Variants in PLGLB1 observed in about 807,000 individuals in gnomAD.
The protein encoded by PLGLB1 is plasminogen-like protein B.
rs1397597584 is a variant in PLGLB1 at position 87,011,099 on chromosome 2, C to T, written c.*2022G>A. 1.2e-5 allele frequency: 5 copies of T among 426,778 alleles called. 2 individuals are homozygous for T. The highest frequency in any genetic ancestry group is 7.1e-5 in the Admixed American group (3 of 42,078). The allele number at this position is 426,778 out of a possible 1,614,324, so 26.4% of individuals were successfully genotyped here. ...TCCTGCCCTTCACACTCAGGAATGT[C>T]GCAGTAGTCATCTCTCTGTTCTGGA... On this transcript the variant is annotated 3_prime_UTR_variant, in exon 4 of 4. Transcript: ENST00000355705.
chr2:87,010,656 C>T lies in PLGLB1; in HGVS notation c.*2465G>A, dbSNP rs1175513312. Among the ~76,000 whole-genome samples the T allele has an allele frequency of 6.4e-5, 1 of 15,728 alleles. No individual in the cohort carries two copies. The highest frequency in any genetic ancestry group is 2.0e-3 in the East Asian group (1 of 508). The allele number at this position is 15,728 out of a possible 152,430, so 10.3% of individuals were successfully genotyped here. On this transcript the variant is annotated 3_prime_UTR_variant, in exon 4 of 4. Coordinates refer to ENST00000355705, the MANE Select transcript of PLGLB1 (RefSeq NM_001032392.4). ...GGCATGGTGGCTCATGCCTGTAATC[C>T]CAGCACTTTGGGAGGCTGAGGCGGG... is the stretch of plus-strand genomic sequence containing the variant.
At chr2:87,015,108 G>A in intron 3 of PLGLB1, among the ~76,000 whole-genome samples, 1 of 95,758 alleles carries the variant, frequency 1.0e-5, no homozygotes, top group Non-Finnish European at 1.9e-5. Context: ...GTTCCTTCTG[G>A]TTAACAATTT....
At chr2:87,017,400 G>A (rs1419621482) in intron 2 of PLGLB1, 153 bp downstream of exon 2, 3 of 57,436 alleles carry the variant, frequency 5.2e-5, no homozygotes, top group African/African-American at 1.1e-4. Flanking sequence ...ACAAGAAGCT[G>A]TTAGTATGGC....
At chr2:87,013,526 T>C (rs371724547) in intron 3 of PLGLB1, 2 of 109,702 alleles carry the variant, frequency 1.8e-5, no homozygotes, top group South Asian at 2.8e-4. Flanking sequence ...AGTAAGAGAA[T>C]GGGGAAAGGG....
intron 2 of PLGLB1, among the ~76,000 whole-genome samples, chr2:87,017,113 T>A (rs1293947728): frequency 6.8e-6 from 1 of 146,932 alleles, no homozygotes; most frequent in Admixed American, 6.7e-5. Flanking sequence ...GAACATGCAT[T>A]GATTATGCCT....
intron 1 of PLGLB1, among the ~76,000 whole-genome samples, chr2:87,021,150 G>A (rs1682412967): frequency 9.4e-6 from 1 of 105,940 alleles, no homozygotes; most frequent in South Asian, 3.5e-4. Context: ...CACTAAGTGA[G>A]TATTTGTTGA....
In PLGLB1 at chr2:87,011,073, C is replaced by T; in HGVS notation, c.*2048G>A. ...GAAATGAAAACATTTTCTAGAGCCA[C>T]TCCTGCCCTTCACACTCAGGAATGT... is the stretch of plus-strand genomic sequence containing the variant. On this transcript the variant is annotated 3_prime_UTR_variant, in exon 4 of 4. Transcript: ENST00000355705. 5.4e-6 allele frequency: 2 copies of T among 369,396 alleles called. 1 individual carries two copies. The highest frequency in any genetic ancestry group is 4.6e-5 in the South Asian group (2 of 43,378). The allele number at this position is 369,396 out of a possible 1,614,324, so 22.9% of individuals were successfully genotyped here.
intron 2 of PLGLB1, among the ~76,000 whole-genome samples, chr2:87,017,027 T>C (rs1682348501): frequency 1.5e-5 from 2 of 135,722 alleles, no homozygotes; most frequent in African/African-American, 2.8e-5. Context: ...CAAACCCAGC[T>C]CGGTTCCCAC....
At chr2:87,020,965 C>T (rs1682408175) in intron 1 of PLGLB1, among the ~76,000 whole-genome samples, 1 of 151,960 alleles carries the variant, frequency 6.6e-6, no homozygotes, top group Non-Finnish European at 1.5e-5. Flanking sequence ...GGTCACTGAG[C>T]AAATAACATG....
chr2:87,021,231 A>G (rs2104879537), intron 1 of PLGLB1, among the ~76,000 whole-genome samples: 1 of 86,034 alleles, frequency 1.2e-5, no homozygotes, highest in South Asian at 4.5e-4. Flanking sequence ...GCAAACGTAT[A>G]CTGATGGAAA....
chr2:87,014,284 TATAAA>T (rs1682295177), intron 3 of PLGLB1, among the ~76,000 whole-genome samples: 1 of 99,548 alleles, frequency 1.0e-5, no homozygotes, highest in Non-Finnish European at 2.2e-5. Context: ...TCAATGAAAA[TATAAA>T]ATGTTTAAGG....
At chr2:87,014,666 AG>A (rs1369432421) in intron 3 of PLGLB1, among the ~76,000 whole-genome samples, 1 of 128,788 alleles carries the variant, frequency 7.8e-6, no homozygotes, top group Non-Finnish European at 1.7e-5. Context: ...AAGTAAGGCC[AG>A]AAACTTTGTA....
rs1682359164 is a variant in PLGLB1 at position 87,017,542 on chromosome 2, G to A, written c.185+11C>T. On this transcript the variant is annotated intron_variant, in intron 2 of 3. Transcript: ENST00000355705. Reference sequence around the variant, plus strand: ...CAGATTTCTGGGTAGGTGCAACGACGATGAAAATACCTGCAGGTGAATTCT... The same window carrying A: ...CAGATTTCTGGGTAGGTGCAACGACAATGAAAATACCTGCAGGTGAATTCT... 1.7e-5 allele frequency: 1 copy of A among 58,514 alleles called. No individual in the cohort carries two copies. Among genetic ancestry groups the A allele is most frequent in the Non-Finnish European group, 3.1e-5 (1 of 32,626 alleles). The allele number at this position is 58,514 out of a possible 1,614,324, so 3.6% of individuals were successfully genotyped here.
At position 87,019,816 on chromosome 2, in the gene PLGLB1, T is replaced by A. The variant is rs1682392162; in HGVS notation, c.49+1919A>T. ...AATATCCCAAAACAGAATCAAACTG[T>A]TTTCTTTTTAATTTGAAATAATTTT... On this transcript the variant is annotated intron_variant, in intron 1 of 3. Transcript: ENST00000355705. 2.0e-5 allele frequency among the ~76,000 whole-genome samples: 2 copies of A among 99,738 alleles called. 1 individual carries two copies. Among genetic ancestry groups the A allele is most frequent in the South Asian group, 7.2e-4 (2 of 2,762 alleles). 65.4% of individuals were successfully genotyped at this position (99,738 alleles called of 152,430 possible). A position where few individuals can be genotyped will look rare whatever the true frequency, so the allele number is the denominator to read the frequency against.
In PLGLB1 at chr2:87,010,934, C is replaced by T. The variant is rs2104868730; in HGVS notation, c.*2187G>A. Reference sequence around the variant, plus strand: ...AAAAAAAAAAAAAATCAGGTTAATTCTGGGATCTGAGCAAAGTTTTGCTCC... The same window carrying T: ...AAAAAAAAAAAAAATCAGGTTAATTTTGGGATCTGAGCAAAGTTTTGCTCC... On this transcript the variant is annotated 3_prime_UTR_variant, in exon 4 of 4. Coordinates refer to ENST00000355705, the MANE Select transcript of PLGLB1 (RefSeq NM_001032392.4). Among the ~76,000 whole-genome samples the T allele has an allele frequency of 1.0e-5, 1 of 95,324 alleles. No individual in the cohort carries two copies. Among genetic ancestry groups the T allele is most frequent in the East Asian group, 3.2e-4 (1 of 3,140 alleles). The allele number at this position is 95,324 out of a possible 152,430, so 62.5% of individuals were successfully genotyped here.
chr2:87,011,186 G>T lies in PLGLB1; in HGVS notation c.*1935C>A. ...TCTGGATTCCTCCAGTCCCTCTGAG[G>T]GGTGTGTAGCAGGTGAGAATCTGGG... On this transcript the variant is annotated 3_prime_UTR_variant, in exon 4 of 4. Coordinates refer to ENST00000355705, the MANE Select transcript of PLGLB1 (RefSeq NM_001032392.4). 8.4e-6 allele frequency: 3 copies of T among 357,360 alleles called. 1 individual carries two copies. Among genetic ancestry groups the T allele is most frequent in the South Asian group, 2.5e-5 (1 of 40,790 alleles). 22.1% of individuals were successfully genotyped at this position (357,360 alleles called of 1,614,324 possible). A position where few individuals can be genotyped will look rare whatever the true frequency, so the allele number is the denominator to read the frequency against.
chr2:87,014,804 A>G (rs1484532112), intron 3 of PLGLB1, among the ~76,000 whole-genome samples: 8 of 114,494 alleles, frequency 7.0e-5, no homozygotes, highest in African/African-American at 1.6e-4. Flanking sequence ...CAGGGAAGTT[A>G]TATTTCTTCG....
At chr2:87,019,674 ATTC>A in intron 1 of PLGLB1, among the ~76,000 whole-genome samples, 1 of 99,128 alleles carries the variant, frequency 1.0e-5, no homozygotes, top group Non-Finnish European at 1.9e-5. Flanking sequence ...TACAATTGAT[ATTC>A]AAAAAAAGAA....
chr2:87,017,114 G>A (rs1466191642), intron 2 of PLGLB1, among the ~76,000 whole-genome samples: 1 of 145,666 alleles, frequency 6.9e-6, no homozygotes, highest in African/African-American at 2.5e-5. Flanking sequence ...AACATGCATT[G>A]ATTATGCCTG....
Sources: gnomAD v4.1 joint callset for allele counts (sites outside exome capture counted in the v4.1 genomes callset) on GRCh38, gnomAD v4.1.1 for gene constraint, MANE v1.5 for transcripts, NCBI Gene and HGNC (gene_info 2026-07-23, HGNC 2026-07-21) for gene names.